Variants in FMNL2 observed in about 807,000 individuals in gnomAD.
FMNL2 encodes the protein formin like 2.
A neutral mutation model predicts 130.2 loss-of-function variants in FMNL2; 51 were observed. The observed-to-expected ratio is 0.39, with a 90% CI of 0.31 to 0.49. The LOEUF is 0.49. FMNL2 is among the 20% of genes least tolerant of loss of function. The pLI is 0.85. For synonymous variants in FMNL2, 465 were observed against 467.1 expected (o/e 1.00, Z 0.06); for missense variants, 977 against 1,316.2 (o/e 0.74, Z 3.99).
chr2:152,581,634 G>T (rs1268253557), intron 9 of FMNL2, among the ~76,000 whole-genome samples: 3 of 152,108 alleles, frequency 2.0e-5, no homozygotes, highest in Non-Finnish European at 4.4e-5. Context: ...TCACCGCCGC[G>T]GGCCCTGCCC....
chr2:152,348,825 T>A (rs1331981317), intron 1 of FMNL2, among the ~76,000 whole-genome samples: 2 of 103,640 alleles, frequency 1.9e-5, no homozygotes, highest in Non-Finnish European at 3.9e-5. Context: ...AGGGTTTTTT[T>A]TTTTTTTTTT....
chr2:152,644,730 C>T (rs910302369), intron 25 of FMNL2, among the ~76,000 whole-genome samples: 1 of 152,204 alleles, frequency 6.6e-6, no homozygotes, highest in Non-Finnish European at 1.5e-5. Context: ...GCTATTTCTT[C>T]TGTGATCAGA....
At chr2:152,571,177 C>T (rs958632484) in intron 6 of FMNL2, among the ~76,000 whole-genome samples, 4 of 146,730 alleles carry the variant, frequency 2.7e-5, no homozygotes, top group African/African-American at 7.3e-5. Flanking sequence ...TCCTCCTTTT[C>T]CTCCTTCTCC....
chr2:152,509,439 T>C (rs1175702281), intron 1 of FMNL2, among the ~76,000 whole-genome samples: 3 of 152,214 alleles, frequency 2.0e-5, no homozygotes, highest in African/African-American at 7.2e-5. Context: ...ATGTGTATTG[T>C]GTATCTGTCC....
At chr2:152,627,916 G>T (rs764493735) in intron 17 of FMNL2, among the ~76,000 whole-genome samples, 1 of 152,194 alleles carries the variant, frequency 6.6e-6, no homozygotes, top group African/African-American at 2.4e-5. Flanking sequence ...TGAATTAGCT[G>T]TACTTCACAA....
intron 1 of FMNL2, among the ~76,000 whole-genome samples, chr2:152,414,664 G>A (rs548226615): frequency 6.6e-6 from 1 of 152,302 alleles, no homozygotes; most frequent in South Asian, 2.1e-4. Flanking sequence ...CATCTGGAGA[G>A]TTCGAGGCCA....
intron 1 of FMNL2, among the ~76,000 whole-genome samples, chr2:152,356,434 T>C (rs537748163): frequency 6.6e-6 from 1 of 152,192 alleles, no homozygotes; most frequent in South Asian, 2.1e-4. Flanking sequence ...TGGCTAGAGG[T>C]CATTTAATTT....
In FMNL2 at chr2:152,406,038, G is replaced by C. The variant is rs190085976; in HGVS notation, c.117+70318G>C. Among the ~76,000 whole-genome samples, 128 of 152,182 alleles carry C rather than the reference G, an allele frequency of 8.4e-4. 3 individuals are homozygous for C. The Middle Eastern group carries it at 0.017, about 20-fold the overall frequency. ...AGCCTTAAGACAGATTTTGGGCAAG[G>C]TATATATATCTCTTGTGACTACAAA... On this transcript the variant is annotated intron_variant, in intron 1 of 25. Transcript: ENST00000288670.
intron 7 of FMNL2, chr2:152,578,584 C>A: frequency 5.3e-6 from 1 of 188,016 alleles, no homozygotes; most frequent in Non-Finnish European, 1.0e-5. Context: ...AGCATCATTG[C>A]CGATTTTTTT....
intron 9 of FMNL2, among the ~76,000 whole-genome samples, chr2:152,590,191 G>C (rs1209972109): frequency 6.6e-6 from 1 of 150,974 alleles, no homozygotes; most frequent in East Asian, 1.9e-4. Context: ...TGGCCTTCTA[G>C]CTGCTTTTTA....
intron 9 of FMNL2, among the ~76,000 whole-genome samples, chr2:152,596,956 ATT>A (rs1450727947): frequency 3.3e-5 from 5 of 152,232 alleles, no homozygotes; most frequent in Non-Finnish European, 5.9e-5. Flanking sequence ...ATTAAAATCT[ATT>A]TGCCTATATT....
intron 1 of FMNL2, among the ~76,000 whole-genome samples, chr2:152,503,053 T>C (rs1343708221): frequency 3.9e-5 from 6 of 152,170 alleles, no homozygotes; most frequent in Non-Finnish European, 7.4e-5. Context: ...TCTCAGGTGC[T>C]TCTGTATCAG....
intron 1 of FMNL2, among the ~76,000 whole-genome samples, chr2:152,383,533 G>C (rs1010204946): frequency 1.3e-5 from 2 of 151,862 alleles, no homozygotes. Flanking sequence ...ACAGGAGTTC[G>C]AGACCAGCCT....
At chr2:152,354,967 C>T (rs1461786355) in intron 1 of FMNL2, among the ~76,000 whole-genome samples, 1 of 152,152 alleles carries the variant, frequency 6.6e-6, no homozygotes, top group African/African-American at 2.4e-5. Context: ...TGTCAGGCTT[C>T]TTATGCCGTT....
At position 152,607,614 on chromosome 2, in the gene FMNL2, A is replaced by G. The variant is rs1698445612; in HGVS notation, c.951+201A>G. 1.6e-5 allele frequency: 8 copies of G among 504,546 alleles called. No individual in the cohort carries two copies. The South Asian group carries it at 1.9e-4, about 12-fold the overall frequency. 31.3% of individuals were successfully genotyped at this position (504,546 alleles called of 1,614,324 possible). A position where few individuals can be genotyped will look rare whatever the true frequency, so the allele number is the denominator to read the frequency against. On this transcript the variant is annotated intron_variant, in intron 10 of 25. Coordinates refer to ENST00000288670, the MANE Select transcript of FMNL2 (RefSeq NM_052905.4). ...CTTTGATTTCCATTTTATTCCTTAC[A>G]TACACGGTATAGTAAAGACAAAAGT...
intron 16 of FMNL2, 57 bp from the exon 17 acceptor site, chr2:152,626,468 C>T: frequency 1.4e-6 from 2 of 1,448,492 alleles, no homozygotes; most frequent in Non-Finnish European, 1.9e-6. Context: ...CTGGTGGCTT[C>T]CGGACTTCAT....
intron 6 of FMNL2, among the ~76,000 whole-genome samples, chr2:152,574,450 AAAAAG>A (rs1180618057): frequency 2.0e-5 from 3 of 148,144 alleles, no homozygotes; most frequent in Non-Finnish European, 4.5e-5. Context: ...AAAAAAAAAA[AAAAAG>A]AAAAGAAACA....
chr2:152,470,218 C>T (rs1689784163), intron 1 of FMNL2, among the ~76,000 whole-genome samples: 1 of 152,182 alleles, frequency 6.6e-6, no homozygotes, highest in Non-Finnish European at 1.5e-5. Context: ...ACGGCATACA[C>T]AGGAAGTGGG....
intron 5 of FMNL2, among the ~76,000 whole-genome samples, chr2:152,559,852 C>A (rs1276655985): frequency 2.0e-5 from 3 of 152,192 alleles, no homozygotes; most frequent in African/African-American, 4.8e-5. Context: ...GTATTACCTC[C>A]TGCAGCCAAA....
Sources: allele counts gnomAD v4.1 joint callset (sites outside exome capture counted in the v4.1 genomes callset), GRCh38; gene constraint gnomAD v4.1.1; transcripts MANE v1.5; gene names NCBI Gene and HGNC (gene_info 2026-07-23, HGNC 2026-07-21).